Variants in KCNJ16 observed in about 807,000 individuals in gnomAD.
KCNJ16 encodes the protein inward rectifier potassium channel 16.
KCNJ16 carries 15 observed loss-of-function variants against 18.5 expected under a neutral mutation model. The ratio of observed to expected loss-of-function variants is 0.81; its 90% CI spans 0.54 to 1.25. KCNJ16 has a LOEUF of 1.25. Among genes scored for constraint, KCNJ16 ranks in the 50% most tolerant of loss-of-function variants. KCNJ16 has a pLI of 0.00. For missense variants in KCNJ16, 523 were observed against 525.7 expected (o/e 0.99, Z 0.05); for synonymous variants, 174 against 186.5 (o/e 0.93, Z 0.55).
At chr17:70,131,942 A>G in intron 3 of KCNJ16, 53 bp from the exon 4 acceptor site, 2 of 1,490,506 alleles carry the variant, frequency 1.3e-6, no homozygotes, top group Non-Finnish European at 1.8e-6. Context: ...AAATTGCTAT[A>G]AAGATGGACA....
intron 1 of KCNJ16, among the ~76,000 whole-genome samples, chr17:70,091,544 T>C (rs139272998): frequency 5.9e-5 from 9 of 152,244 alleles, no homozygotes; most frequent in African/African-American, 2.2e-4. Flanking sequence ...CAAGTAAACA[T>C]GCAGTATTTG....
At chr17:70,116,995 T>C (rs977973646) in intron 2 of KCNJ16, among the ~76,000 whole-genome samples, 3 of 152,130 alleles carry the variant, frequency 2.0e-5, no homozygotes, top group Non-Finnish European at 4.4e-5. Context: ...AAAAGTCTCA[T>C]GCACTCACAT....
At chr17:70,125,131 T>C (rs879492352) in intron 2 of KCNJ16, among the ~76,000 whole-genome samples, 32 of 152,032 alleles carry the variant, frequency 2.1e-4, no homozygotes, top group Admixed American at 1.3e-4. Flanking sequence ...CCAGCCATAG[T>C]GGCACACATC....
At chr17:70,115,400 T>G (rs1161381871) in intron 2 of KCNJ16, among the ~76,000 whole-genome samples, 1 of 152,096 alleles carries the variant, frequency 6.6e-6, no homozygotes, top group African/African-American at 2.4e-5. Context: ...ATAATTGCCC[T>G]CCTCAGAACT....
rs906959892 is a variant in KCNJ16 at position 70,113,049 on chromosome 17, A to T, written c.-191+12283A>T. Among the ~76,000 whole-genome samples the T allele has an allele frequency of 1.2e-3, 181 of 152,046 alleles. 1 individual carries two copies. Among genetic ancestry groups the T allele is most frequent in the Non-Finnish European group, 4.3e-4 (29 of 68,030 alleles). On this transcript the variant is annotated intron_variant, in intron 2 of 3. Coordinates refer to ENST00000392671, the MANE Select transcript of KCNJ16 (RefSeq NM_170741.4). ...CTTTCTCATCTGATAGCTTGATTTC[A>T]AGGGAACAAAAAATCAGTTTTAATG...
intron 2 of KCNJ16, among the ~76,000 whole-genome samples, chr17:70,114,079 T>A (rs1482832184): frequency 2.6e-5 from 4 of 152,160 alleles, no homozygotes; most frequent in Non-Finnish European, 5.9e-5. Context: ...GCCTTCTTAA[T>A]TTATCTATAT....
At position 70,123,708 on chromosome 17, in the gene KCNJ16, CAA is replaced by C. The variant is rs35463126; in HGVS notation, c.-190-7161_-190-7160del. ...CTGATTCCATGCAGCTAAGATGTGGCAAAAAAAAAAATTATAATAATGAGAAT... is the reference window on the plus strand; with the variant it reads ...CTGATTCCATGCAGCTAAGATGTGGCAAAAAAAAATTATAATAATGAGAAT... On this transcript the variant is annotated intron_variant, in intron 2 of 3. Coordinates refer to ENST00000392671, the MANE Select transcript of KCNJ16 (RefSeq NM_170741.4). Among the ~76,000 whole-genome samples the C allele has an allele frequency of 2.6e-4, 38 of 148,824 alleles. No homozygotes were observed. The South Asian group carries it at 6.6e-3, about 26-fold the overall frequency.
At chr17:70,130,071 C>A (rs2074004788) in intron 2 of KCNJ16, among the ~76,000 whole-genome samples, 1 of 152,074 alleles carries the variant, frequency 6.6e-6, no homozygotes, top group Admixed American at 6.6e-5. Context: ...ACACATTTAA[C>A]AAGAAAATAA....
chr17:70,084,482 C>A (rs904955709), intron 1 of KCNJ16, among the ~76,000 whole-genome samples: 2 of 152,134 alleles, frequency 1.3e-5, no homozygotes, highest in African/African-American at 4.8e-5. Context: ...AAACTTTTAA[C>A]AATTTTTCAG....
At position 70,134,179 on chromosome 17, in the gene KCNJ16, A is replaced by G. The variant is rs538718053; in HGVS notation, c.*835A>G. 2 of 167,128 alleles carry G rather than the reference A, an allele frequency of 1.2e-5. No homozygotes were observed. The highest frequency in any genetic ancestry group is 1.3e-4 in the Admixed American group (2 of 15,300). 10.4% of individuals were successfully genotyped at this position (167,128 alleles called of 1,614,324 possible). A position where few individuals can be genotyped will look rare whatever the true frequency, so the allele number is the denominator to read the frequency against. ...ACATGACCAAGGGACAGGATCATAC[A>G]GATGAGGTGAGGGGATGGTTAGCAG... On this transcript the variant is annotated 3_prime_UTR_variant, in exon 4 of 4. Coordinates refer to ENST00000392671, the MANE Select transcript of KCNJ16 (RefSeq NM_170741.4).
At position 70,083,235 on chromosome 17, in the gene KCNJ16, A is replaced by G. The variant is rs573389764; in HGVS notation, c.-300+7845A>G. Among the ~76,000 whole-genome samples, 3 of 148,730 alleles carry G rather than the reference A, an allele frequency of 2.0e-5. No individual in the cohort carries two copies. The South Asian group carries it at 6.3e-4, about 31-fold the overall frequency. ...TATAATATGTAAAGAGATATATATT[A>G]TAATATATGTAGCAGGTGAGGAGAA... On this transcript the variant is annotated intron_variant, in intron 1 of 3. Coordinates refer to ENST00000392671, the MANE Select transcript of KCNJ16 (RefSeq NM_170741.4).
intron 1 of KCNJ16, among the ~76,000 whole-genome samples, chr17:70,076,778 T>C (rs1431048059): frequency 1.3e-5 from 2 of 152,080 alleles, no homozygotes; most frequent in Non-Finnish European, 2.9e-5. Context: ...AAATTAGAAA[T>C]GGAAAAAAAG....
At position 70,133,384 on chromosome 17, in the gene KCNJ16, T is replaced by G; in HGVS notation, c.*40T>G. On this transcript the variant is annotated 3_prime_UTR_variant, in exon 4 of 4. Coordinates refer to ENST00000392671, the MANE Select transcript of KCNJ16 (RefSeq NM_170741.4). Reference sequence around the variant, plus strand: ...TATGAGGGCTACCACTGAATCATTTTATCTTTCAGCCAATCAAGTCGTTGT... The same window carrying G: ...TATGAGGGCTACCACTGAATCATTTGATCTTTCAGCCAATCAAGTCGTTGT... 6.5e-7 allele frequency: 1 copy of G among 1,545,486 alleles called. No individual in the cohort carries two copies. Among genetic ancestry groups the G allele is most frequent in the Non-Finnish European group, 8.8e-7 (1 of 1,137,500 alleles).
chr17:70,100,540 C>T (rs2072578442), intron 1 of KCNJ16, 118 bp from the exon 2 acceptor site: 1 of 152,188 alleles, frequency 6.6e-6, no homozygotes, highest in African/African-American at 2.4e-5. Flanking sequence ...CCCAATCAGA[C>T]TTAACAAACA....
At chr17:70,102,679 C>T (rs2072698692) in intron 2 of KCNJ16, among the ~76,000 whole-genome samples, 1 of 152,186 alleles carries the variant, frequency 6.6e-6, no homozygotes, top group Non-Finnish European at 1.5e-5. Context: ...CCTCCACATC[C>T]TTTCCCATCC....
At chr17:70,131,209 A>AT in intron 3 of KCNJ16, 1 of 702,490 alleles carries the variant, frequency 1.4e-6, no homozygotes, top group Non-Finnish European at 2.1e-6. Flanking sequence ...AAAAAAAAAA[A>AT]GAAAGAAAGA....
At chr17:70,128,368 C>G (rs988357142) in intron 2 of KCNJ16, among the ~76,000 whole-genome samples, 2 of 152,164 alleles carry the variant, frequency 1.3e-5, no homozygotes, top group Non-Finnish European at 1.5e-5. Flanking sequence ...GAGTAAGATA[C>G]GAGAAAAGTG....
intron 2 of KCNJ16, among the ~76,000 whole-genome samples, chr17:70,102,545 G>C (rs115069106): frequency 1.6e-3 from 251 of 152,194 alleles, no homozygotes; most frequent in African/African-American, 5.8e-3. Flanking sequence ...ATTTTTAATA[G>C]CAATGACACA....
chr17:70,108,450 T>G (rs1246365754), intron 2 of KCNJ16: 1 of 145,292 alleles, frequency 6.9e-6, no homozygotes, highest in Admixed American at 6.7e-5. Flanking sequence ...GGGACATTCT[T>G]TTGTGTGTGC....
Sources: gnomAD v4.1 joint callset for allele counts (sites outside exome capture counted in the v4.1 genomes callset) on GRCh38, gnomAD v4.1.1 for gene constraint, MANE v1.5 for transcripts, NCBI Gene and HGNC (gene_info 2026-07-23, HGNC 2026-07-21) for gene names.